NR4A3: variants seen among roughly 807,000 people sequenced by gnomAD.
The protein encoded by NR4A3 is chondrosarcoma, extraskeletal myxoid, fused to EWS.
NR4A3 carries 13 observed loss-of-function variants against 55.6 expected under a neutral mutation model. The observed-to-expected ratio is 0.23, with a 90% CI of 0.15 to 0.37. NR4A3 has a LOEUF of 0.37. Among genes scored for constraint, NR4A3 ranks in the 10% least tolerant of loss-of-function variants. The probability of loss-of-function intolerance (pLI) is 1.00; values close to 1 mark genes in which losing one functional copy is unlikely to be tolerated. For synonymous variants in NR4A3, 342 were observed against 357.9 expected, an observed-to-expected ratio of 0.96 and a Z score of 0.50; for missense variants, 646 against 822.8, an observed-to-expected ratio of 0.79 and a Z score of 2.63.
Position 99,847,575 on chromosome 9 carries a change from C to T in NR4A3, c.1593C>T (p.Ile531=), listed in dbSNP as rs145134236. The T allele has an allele frequency of 6.2e-7, 1 of 1,614,136 alleles. No homozygotes were observed. Among genetic ancestry groups the T allele is most frequent in the Non-Finnish European group, 8.5e-7 (1 of 1,180,024 alleles). The change falls in exon 7 of 8, where the codon ATC becomes ATT. Residue 531 remains isoleucine, a synonymous_variant. Transcript: ENST00000395097. ...SLNLQSLNLD[I]QALACLSALS... is the part of the protein sequence containing the mutation. ...ATTTGCAGAGCCTGAACCTTGATAT[C>T]CAAGCCTTAGCCTGCCTGTCAGCAC...
chr9:99,846,098 G>A (rs1004747683), intron 6 of NR4A3, among the ~76,000 whole-genome samples: 4 of 152,222 alleles, frequency 2.6e-5, no homozygotes, highest in Non-Finnish European at 5.9e-5. Context: ...ACTTGGCTGA[G>A]TGAAGGAATG....
chr9:99,860,197 T>C (rs1205967174), intron 7 of NR4A3, among the ~76,000 whole-genome samples: 1 of 148,960 alleles, frequency 6.7e-6, no homozygotes, highest in Non-Finnish European at 1.5e-5. Flanking sequence ...TTCTACTCTT[T>C]ATTTAATGTT....
chr9:99,861,335 T>G (rs899634583), intron 7 of NR4A3, among the ~76,000 whole-genome samples: 4 of 152,174 alleles, frequency 2.6e-5, no homozygotes, highest in Non-Finnish European at 5.9e-5. Context: ...GCCTGGCTGA[T>G]ATAGTGAAAC....
Position 99,864,004 on chromosome 9 carries a change from CT to C in NR4A3, c.*145del, listed in dbSNP as rs1376904621. The stretch of plus-strand genomic sequence containing the variant: ...AGCTCCTGTAGAAAGCAAAGACTTT[CT>C]TTTTTTTCTGGCTCTTTTCCTTACA... On this transcript the variant is annotated 3_prime_UTR_variant, in exon 8 of 8. Coordinates refer to ENST00000395097, the MANE Select transcript of NR4A3 (RefSeq NM_006981.4). 10 of 992,900 alleles carry C rather than the reference CT, an allele frequency of 1.0e-5. No homozygotes were observed. Among genetic ancestry groups the C allele is most frequent in the African/African-American group, 3.3e-5 (2 of 60,898 alleles). The allele number at this position is 992,900 out of a possible 1,614,324, so 61.5% of individuals were successfully genotyped here.
intron 5 of NR4A3, among the ~76,000 whole-genome samples, chr9:99,840,031 T>G (rs1827625392): frequency 6.6e-6 from 1 of 152,222 alleles, no homozygotes; most frequent in African/African-American, 2.4e-5. Flanking sequence ...CCTTTACATC[T>G]TATGTCCAAT....
Position 99,828,922 on chromosome 9 carries a change from G to A in NR4A3, c.880G>A (p.Val294Met). 2 of 1,470,514 alleles carry A rather than the reference G, an allele frequency of 1.4e-6. No homozygotes were observed. The highest frequency in any genetic ancestry group is 1.3e-5 in the South Asian group (1 of 75,468). The allele number at this position is 1,470,514 out of a possible 1,614,324, so 91.1% of individuals were successfully genotyped here. A position where few individuals can be genotyped will look rare whatever the true frequency, so the allele number is the denominator to read the frequency against. The change falls in exon 3 of 8, where the codon GTG becomes ATG. Residue 294 changes from valine (V) to methionine (M), a missense_variant. Transcript: ENST00000395097. The surrounding 1 kb of genome is among the most constrained non-coding windows in gnomAD (Gnocchi z 7.7). ...SSSSGEGTCA[V>M]CGDNAACQHY... ...GTCGTCTGGCGAGGGCACGTGTGCC[G>A]TGTGCGGGGACAACGCCGCCTGCCA...
In NR4A3 at chr9:99,862,549, C is replaced by CAAAAAAAAAAAAAAAAAAA. The variant is rs59274273; in HGVS notation, c.1634-1055_1634-1037dup. On this transcript the variant is annotated intron_variant, in intron 7 of 7. Transcript: ENST00000395097. Reference sequence around the variant, plus strand: ...TAGGCAACAGAGTAAGACTCTGTCTCAAAAAAAAAAAAAAAAAAAAAAAAA... The same window carrying CAAAAAAAAAAAAAAAAAAA: ...TAGGCAACAGAGTAAGACTCTGTCTCAAAAAAAAAAAAAAAAAAAAAAAAAAAAAAAAAAAAAAAAAAAA... 8.9e-4 allele frequency among the ~76,000 whole-genome samples: 65 copies of CAAAAAAAAAAAAAAAAAAA among 72,804 alleles called. 2 individuals are homozygous for CAAAAAAAAAAAAAAAAAAA. Among genetic ancestry groups the CAAAAAAAAAAAAAAAAAAA allele is most frequent in the African/African-American group, 1.3e-3 (20 of 15,248 alleles). The allele number at this position is 72,804 out of a possible 152,430, so 47.8% of individuals were successfully genotyped here.
chr9:99,831,329 A>G (rs560927348), intron 3 of NR4A3, among the ~76,000 whole-genome samples: 5 of 152,380 alleles, frequency 3.3e-5, no homozygotes, highest in African/African-American at 9.6e-5. Context: ...ACTGCTAAGA[A>G]TTTAAATGCT....
chr9:99,863,860 CT>C lies in NR4A3; in HGVS notation c.1877del (p.Phe626SerfsTer24). ...IIDKLFLDTL[P>X]F ...GACAAGCTCTTCCTGGACACCCTAC[CT>C]TTCTAATCAGGAGCAGTGGAGCAGT... is the stretch of plus-strand genomic sequence containing the variant. On this transcript the variant is annotated frameshift_variant, in exon 8 of 8. Coordinates refer to ENST00000395097, the MANE Select transcript of NR4A3 (RefSeq NM_006981.4). LOFTEE classifies it high-confidence loss of function. 6.2e-7 allele frequency: 1 copy of C among 1,612,708 alleles called. No individual in the cohort carries two copies. Among genetic ancestry groups the C allele is most frequent in the Non-Finnish European group, 8.5e-7 (1 of 1,179,152 alleles).
intron 5 of NR4A3, among the ~76,000 whole-genome samples, chr9:99,837,413 G>T (rs1587878102): frequency 6.6e-6 from 1 of 152,164 alleles, no homozygotes; most frequent in Admixed American, 6.5e-5. Context: ...TAACTGGCTT[G>T]CCTAATGTCG....
intron 7 of NR4A3, among the ~76,000 whole-genome samples, chr9:99,859,265 C>T (rs1010973745): frequency 2.0e-5 from 3 of 152,120 alleles, no homozygotes; most frequent in African/African-American, 7.2e-5. Context: ...AATTTATGAA[C>T]TCTGTATATT....
chr9:99,834,902 T>C, intron 5 of NR4A3: 1 of 984,916 alleles, frequency 1.0e-6, no homozygotes, highest in African/African-American at 1.7e-5. Flanking sequence ...TCTCAAATAA[T>C]AGTGTAAGAG....
At chr9:99,848,857 TGTTA>T (rs1827801713) in intron 7 of NR4A3, among the ~76,000 whole-genome samples, 1 of 152,188 alleles carries the variant, frequency 6.6e-6, no homozygotes, top group African/African-American at 2.4e-5. Context: ...GAGAGTTTCC[TGTTA>T]GACCTCATTC....
chr9:99,863,902 C>G lies in NR4A3; in HGVS notation c.*35C>G, dbSNP rs762669343. On this transcript the variant is annotated 3_prime_UTR_variant, in exon 8 of 8. Coordinates refer to ENST00000395097, the MANE Select transcript of NR4A3 (RefSeq NM_006981.4). ...GTGGAGCAGTGAGCTGCCTCCTCTC[C>G]TAGCACCTGCTTGCTACGCAGCAAA... 1 of 1,586,368 alleles carries G rather than the reference C, an allele frequency of 6.3e-7. No homozygotes were observed. Among genetic ancestry groups the G allele is most frequent in the East Asian group, 2.2e-5 (1 of 44,536 alleles).
intron 7 of NR4A3, among the ~76,000 whole-genome samples, chr9:99,862,180 T>A (rs1474389933): frequency 6.6e-6 from 1 of 152,090 alleles, no homozygotes; most frequent in East Asian, 1.9e-4. Flanking sequence ...TCAAGAATTA[T>A]GATTTTACAT....
rs1239013481 is a variant in NR4A3, at chr9:99,822,017, C to CA, written c.-566dup. 2 of 152,882 alleles carry CA rather than the reference C, an allele frequency of 1.3e-5. No homozygotes were observed. The highest frequency in any genetic ancestry group is 1.5e-5 in the Non-Finnish European group (1 of 68,506). The allele number at this position is 152,882 out of a possible 1,614,324, so 9.5% of individuals were successfully genotyped here. On this transcript the variant is annotated 5_prime_UTR_variant, in exon 1 of 8. Coordinates refer to ENST00000395097, the MANE Select transcript of NR4A3 (RefSeq NM_006981.4). This position sits in a 1 kb window ranked among gnomAD's most constrained non-coding sequence, Gnocchi z 4.9. Reference sequence around the variant, plus strand: ...GCACACACAGACACAAGCGCGCACACAGGCTCCGCACACACACTTCGCTCT... The same window carrying CA: ...GCACACACAGACACAAGCGCGCACACAAGGCTCCGCACACACACTTCGCTCT...
intron 6 of NR4A3, among the ~76,000 whole-genome samples, chr9:99,846,923 C>G (rs569079191): frequency 6.6e-6 from 1 of 152,238 alleles, no homozygotes; most frequent in Non-Finnish European, 1.5e-5. Context: ...GCTGGGCTTG[C>G]AGGCGTGAGG....
chr9:99,826,388 G>A (rs1447645572), intron 2 of NR4A3, among the ~76,000 whole-genome samples: 1 of 152,166 alleles, frequency 6.6e-6, no homozygotes, highest in East Asian at 1.9e-4. Context: ...AAGCCTGTGT[G>A]GGCACCATAG....
chr9:99,828,820 G>A lies in NR4A3; in HGVS notation c.778G>A (p.Gly260Ser), dbSNP rs746022988. 6.8e-7 allele frequency: 1 copy of A among 1,473,836 alleles called. No individual in the cohort carries two copies. Among genetic ancestry groups the A allele is most frequent in the Non-Finnish European group, 9.0e-7 (1 of 1,116,516 alleles). 91.3% of individuals were successfully genotyped at this position (1,473,836 alleles called of 1,614,324 possible). Reference sequence around the variant, plus strand: ...GGCCCCGCTGGCCTTCCCGCCTCTCGGCCTCACGCCCTCCCCTACCGCGTC... The same window carrying A: ...GGCCCCGCTGGCCTTCCCGCCTCTCAGCCTCACGCCCTCCCCTACCGCGTC... ...RAAPLAFPPL[G>S]LTPSPTASSL... Residue 260 changes from glycine (G) to serine (S), a missense_variant, in exon 3 of 8, where the codon GGC becomes AGC. Coordinates refer to ENST00000395097, the MANE Select transcript of NR4A3 (RefSeq NM_006981.4). The surrounding 1 kb of genome is among the most constrained non-coding windows in gnomAD (Gnocchi z 7.7).
Sources: gnomAD v4.1 joint callset for allele counts (sites outside exome capture counted in the v4.1 genomes callset) on GRCh38, gnomAD v4.1.1 for gene constraint, Gnocchi (gnomAD v3.1) non-coding constraint, MANE v1.5 for transcripts, NCBI Gene and HGNC (gene_info 2026-07-23, HGNC 2026-07-21) for gene names.